POLR1F: variants seen among roughly 807,000 people sequenced by gnomAD.
POLR1F encodes the protein RNA polymerase I subunit F.
Under a neutral mutation model 21.8 loss-of-function variants are expected in POLR1F, and 23 were observed. The observed-to-expected ratio is 1.05, with a 90% CI of 0.76 to 1.49. The LOEUF is 1.49. Among genes scored for constraint, POLR1F ranks in the 40% most tolerant of loss-of-function variants. POLR1F has a pLI of 0.00. For synonymous variants in POLR1F, 162 were observed against 152.8 expected, an observed-to-expected ratio of 1.06 and a Z score of -0.45; for missense variants, 435 against 412.1, an observed-to-expected ratio of 1.06 and a Z score of -0.48.
chr7:19,705,238 T>G (rs567657698), intron 1 of POLR1F: 16 of 185,544 alleles, frequency 8.6e-5, no homozygotes, highest in Non-Finnish European at 3.4e-5. Context: ...GTAACAACTT[T>G]AGTAGTCCCA....
rs748647316 is a variant in POLR1F at position 19,708,936 on chromosome 7, A to G, written c.81T>C (p.Pro27=). The change falls in exon 1 of 4, where the codon CCT becomes CCC. Residue 27 remains proline (P), a synonymous_variant. Coordinates refer to ENST00000222567, the MANE Select transcript of POLR1F (RefSeq NM_001002926.2). ...CGGCATAAGTCGGCAACTCTAGGCA[A>G]GGCAGGACGCCAGCCTGCCCTACCA... ...GSLVGQAGVL[P]CLELPTYAAA... The G allele has an allele frequency of 8.7e-6, 14 of 1,613,404 alleles. No individual in the cohort carries two copies. The highest frequency in any genetic ancestry group is 1.1e-5 in the Non-Finnish European group (13 of 1,179,816).
chr7:19,696,153 T>G lies in POLR1F; in HGVS notation c.*2163A>C, dbSNP rs542474883. The stretch of plus-strand genomic sequence containing the variant: ...TTAGTGCAGCATGTGCCAAATGTTT[T>G]GAAGAATACATAGTGGACACCATCA... On this transcript the variant is annotated 3_prime_UTR_variant, in exon 4 of 4. Transcript: ENST00000222567. 5 of 152,156 alleles carry G rather than the reference T, an allele frequency of 3.3e-5. No homozygotes were observed. The highest frequency in any genetic ancestry group is 2.1e-4 in the South Asian group (1 of 4,828). 9.4% of individuals were successfully genotyped at this position (152,156 alleles called of 1,614,324 possible). A position where few individuals can be genotyped will look rare whatever the true frequency, so the allele number is the denominator to read the frequency against.
intron 2 of POLR1F, among the ~76,000 whole-genome samples, chr7:19,704,044 T>C (rs962010097): frequency 6.6e-6 from 1 of 152,228 alleles, no homozygotes; most frequent in Non-Finnish European, 1.5e-5. Context: ...TAATTTGATA[T>C]TGAAAAATGA....
At chr7:19,701,653 T>C (rs556544511) in intron 2 of POLR1F, among the ~76,000 whole-genome samples, 72 of 152,226 alleles carry the variant, frequency 4.7e-4, no homozygotes, top group African/African-American at 1.5e-3. Context: ...CTAGGGACAA[T>C]AGAGGCTTCC....
Position 19,708,954 on chromosome 7 carries a change from C to T in POLR1F, c.63G>A (p.Gly21=), listed in dbSNP as rs150063001. 501 of 1,612,046 alleles carry T rather than the reference C, an allele frequency of 3.1e-4. 4 individuals carry two copies. The East Asian group carries it at 0.011, about 35-fold the overall frequency. ...CTAGGCAAGGCAGGACGCCAGCCTG[C>T]CCTACCAGAGACCCATCAGAAGCCG... ...PAAASDGSLV[G]QAGVLPCLEL... Residue 21 remains glycine (G), a synonymous_variant, in exon 1 of 4, where the codon GGG becomes GGA. Coordinates refer to ENST00000222567, the MANE Select transcript of POLR1F (RefSeq NM_001002926.2).
At chr7:19,702,493 C>T (rs938104423) in intron 2 of POLR1F, among the ~76,000 whole-genome samples, 9 of 152,108 alleles carry the variant, frequency 5.9e-5, no homozygotes, top group African/African-American at 2.2e-4. Flanking sequence ...ACAGTATCTG[C>T]ACAACTTTTC....
At chr7:19,707,976 C>T (rs1562597506) in intron 1 of POLR1F, among the ~76,000 whole-genome samples, 1 of 152,054 alleles carries the variant, frequency 6.6e-6, no homozygotes, top group South Asian at 2.1e-4. Context: ...GAATCCATTC[C>T]CTCTAGTTTT....
At chr7:19,708,676 C>T (rs1783571603) in intron 1 of POLR1F, 87 bp downstream of exon 1, 1 of 1,533,290 alleles carries the variant, frequency 6.5e-7, no homozygotes, top group Admixed American at 1.8e-5. Flanking sequence ...CGACCTTTGC[C>T]ATTTGCCCCT....
chr7:19,700,906 G>A (rs1401674718), intron 2 of POLR1F, among the ~76,000 whole-genome samples: 1 of 152,102 alleles, frequency 6.6e-6, no homozygotes, highest in African/African-American at 2.4e-5. Flanking sequence ...TAAAACAAAA[G>A]TATGTGCTAT....
At chr7:19,700,554 T>A (rs2128006266) in intron 2 of POLR1F, among the ~76,000 whole-genome samples, 1 of 152,266 alleles carries the variant, frequency 6.6e-6, no homozygotes, top group Non-Finnish European at 1.5e-5. Flanking sequence ...ACTTTCTAAC[T>A]GGATAAACTA....
intron 2 of POLR1F, among the ~76,000 whole-genome samples, chr7:19,701,527 T>C (rs1783446311): frequency 1.3e-5 from 2 of 152,130 alleles, no homozygotes; most frequent in Admixed American, 1.3e-4. Context: ...TAGGGAAAGT[T>C]ATAGGGAATA....
rs1783577345 is a variant in POLR1F, at chr7:19,708,902, C to T, written c.115G>A (p.Ala39Thr). 6 of 1,614,120 alleles carry T rather than the reference C, an allele frequency of 3.7e-6. No individual in the cohort carries two copies. The East Asian group carries it at 1.3e-4, about 36-fold the overall frequency. Residue 39 changes from alanine to threonine, a missense_variant, in exon 1 of 4, where the codon GCG becomes ACG. Physicochemically the swap from Ala to Thr is moderately conservative, Grantham distance 58 (BLOSUM62 0). Coordinates refer to ENST00000222567, the MANE Select transcript of POLR1F (RefSeq NM_001002926.2). ...CATGAGTAGCGACTGTTCACCAGCG[C>T]ACAAGCAGCGGCATAAGTCGGCAAC... ...LELPTYAAAC[A>T]LVNSRYSCLV...
rs577631204 is a variant in POLR1F, at chr7:19,701,700, C to G, written c.397-1420G>C. ...TGTTTACCCTACCTCTGTTAACTAA[C>G]CTTTAAGTCAGATGGCCTCTGGGGG... On this transcript the variant is annotated intron_variant, in intron 2 of 3. Transcript: ENST00000222567. Among the ~76,000 whole-genome samples, 99 of 62,092 alleles carry G rather than the reference C, an allele frequency of 1.6e-3. 1 individual carries two copies. The South Asian group carries it at 0.065, about 41-fold the overall frequency. 40.7% of individuals were successfully genotyped at this position (62,092 alleles called of 152,430 possible).
Position 19,700,384 on chromosome 7 carries a change from A to C in POLR1F, c.397-104T>G, listed in dbSNP as rs1040954174. Reference sequence around the variant, plus strand: ...TTCAAATAATCTTCAAAGAACAAACATCAAATTAATGGTCTAATTTAATAT... The same window carrying C: ...TTCAAATAATCTTCAAAGAACAAACCTCAAATTAATGGTCTAATTTAATAT... On this transcript the variant is annotated intron_variant, in intron 2 of 3. Coordinates refer to ENST00000222567, the MANE Select transcript of POLR1F (RefSeq NM_001002926.2). The C allele has an allele frequency of 1.8e-5, 15 of 832,612 alleles. 1 individual carries two copies. The highest frequency in any genetic ancestry group is 2.4e-4 in the Middle Eastern group (1 of 4,236). The allele number at this position is 832,612 out of a possible 1,614,324, so 51.6% of individuals were successfully genotyped here.
At chr7:19,703,591 C>A (rs543958680) in intron 2 of POLR1F, among the ~76,000 whole-genome samples, 1 of 151,822 alleles carries the variant, frequency 6.6e-6, no homozygotes, top group South Asian at 2.1e-4. Context: ...ATGTTATTTC[C>A]GTGTATGTGT....
Position 19,708,888 on chromosome 7 carries a change from ACTGTT to A in POLR1F, c.124_128del (p.Asn42SerfsTer22). On this transcript the variant is annotated frameshift_variant, in exon 1 of 4. Coordinates refer to ENST00000222567, the MANE Select transcript of POLR1F (RefSeq NM_001002926.2). LOFTEE classifies it high-confidence loss of function. ...GCCCGGCCACCAGGCATGAGTAGCG[ACTGTT>A]CACCAGCGCACAAGCAGCGGCATAA... 1 of 1,614,134 alleles carries A rather than the reference ACTGTT, an allele frequency of 6.2e-7. No homozygotes were observed. The highest frequency in any genetic ancestry group is 8.5e-7 in the Non-Finnish European group (1 of 1,179,998).
At chr7:19,701,223 G>A (rs1482635133) in intron 2 of POLR1F, among the ~76,000 whole-genome samples, 1 of 152,146 alleles carries the variant, frequency 6.6e-6, no homozygotes, top group African/African-American at 2.4e-5. Context: ...AGATAAATAA[G>A]TTCTCACCAT....
intron 1 of POLR1F, 68 bp from the exon 2 acceptor site, chr7:19,704,988 G>C: frequency 5.4e-6 from 8 of 1,494,322 alleles, no homozygotes; most frequent in East Asian, 2.3e-5. Flanking sequence ...TTTGGAGACA[G>C]GGTCTTGCTC....
rs757772418 is a variant in POLR1F at position 19,698,639 on chromosome 7, T to C, written c.694A>G (p.Lys232Glu). The C allele has an allele frequency of 6.9e-6, 11 of 1,595,634 alleles. No individual in the cohort carries two copies. In the East Asian group the frequency reaches 2.2e-4, roughly 33 times the overall value. ...AAKKPKKKKK[K>E]KDPETYEVDS... The stretch of plus-strand genomic sequence containing the variant: ...ACTTCATATGTCTCTGGGTCTTTCT[T>C]CTTTTTCTTCTTTTTAGGTTTTTTA... Residue 232 changes from lysine (K) to glutamate (E), a missense_variant, in exon 4 of 4, where the codon AAG becomes GAG. Lys to Glu is a moderately conservative substitution (Grantham distance 56). Transcript: ENST00000222567.
Sources: gnomAD v4.1 joint callset for allele counts (sites outside exome capture counted in the v4.1 genomes callset) on GRCh38, gnomAD v4.1.1 for gene constraint, MANE v1.5 for transcripts, NCBI Gene and HGNC (gene_info 2026-07-23, HGNC 2026-07-21) for gene names.